Variants in ARHGAP6 observed in about 807,000 individuals in gnomAD.
The protein encoded by ARHGAP6 is Rho GTPase activating protein 6, also known as rho GTPase-activating protein 6.
Under a neutral mutation model 55.7 loss-of-function variants are expected in ARHGAP6, and 16 were observed. The ratio of observed to expected loss-of-function variants is 0.29; its 90% CI spans 0.19 to 0.44. The LOEUF is 0.44. ARHGAP6 is among the 20% of genes least tolerant of loss of function. The probability of loss-of-function intolerance (pLI) is 1.00; values close to 1 mark genes in which losing one functional copy is unlikely to be tolerated. For missense variants in ARHGAP6, 698 were observed against 808.9 expected (o/e 0.86, Z 1.66); for synonymous variants, 382 against 360.9 (o/e 1.06, Z -0.66).
chrX:11,617,213 C>A (rs551018514), intron 1 of ARHGAP6, among the ~76,000 whole-genome samples: 58 of 111,978 alleles, frequency 5.2e-4, no homozygotes, highest in African/African-American at 1.8e-3. Context: ...TTTGGATCTA[C>A]TGAATTAAAT....
chrX:11,188,908 G>A lies in ARHGAP6; in HGVS notation c.897C>T (p.Asp299=), dbSNP rs144557280. ...ANDRAYKLKQ[D]LQRDEQKDAS... is the part of the protein sequence containing the mutation. ...CATCTTTCTGCTCGTCCCTCTGCAA[G>A]TCCTGCTTGAGTTTATAGGCCCTGT... Residue 299 remains aspartate (D), a synonymous_variant, in exon 4 of 13, where the codon GAC becomes GAT. Transcript: ENST00000337414. The A allele has an allele frequency of 8.3e-7, 1 of 1,209,447 alleles. No individual in the cohort carries two copies. Among genetic ancestry groups the A allele is most frequent in the Non-Finnish European group, 1.1e-6 (1 of 895,185 alleles).
intron 1 of ARHGAP6, chrX:11,351,337 A>G (rs2048861127): frequency 1.0e-6 from 1 of 953,040 alleles, no homozygotes; most frequent in Non-Finnish European, 1.3e-6. Flanking sequence ...TAAAATAAAC[A>G]TTCATATCAT....
chrX:11,501,548 C>T (rs963937557), intron 1 of ARHGAP6, among the ~76,000 whole-genome samples: 40 of 111,138 alleles, frequency 3.6e-4, no homozygotes, highest in African/African-American at 1.2e-3. Flanking sequence ...GGAGTAGGGG[C>T]GCCAAACTCC....
intron 1 of ARHGAP6, among the ~76,000 whole-genome samples, chrX:11,404,321 G>A (rs1033932580): frequency 9.0e-6 from 1 of 111,357 alleles, no homozygotes; most frequent in East Asian, 2.8e-4. Flanking sequence ...CTTAAAATCC[G>A]ATTCTACATA....
intron 8 of ARHGAP6, among the ~76,000 whole-genome samples, chrX:11,177,370 C>CGG (rs149420907): frequency 1.3e-3 from 56 of 44,259 alleles, no homozygotes; most frequent in South Asian, 4.0e-3. Context: ...ATTTGGTGGG[C>CGG]GGGGGGGGGG....
intron 1 of ARHGAP6, among the ~76,000 whole-genome samples, chrX:11,424,263 G>A (rs1234945644): frequency 8.9e-6 from 1 of 112,399 alleles, no homozygotes; most frequent in African/African-American, 3.2e-5. Context: ...CTACTGTTCT[G>A]AGCTTAGATT....
chrX:11,460,729 C>T (rs988615478), intron 1 of ARHGAP6, among the ~76,000 whole-genome samples: 5 of 111,837 alleles, frequency 4.5e-5, no homozygotes, highest in Non-Finnish European at 9.4e-5. Context: ...ATTGTTTGTG[C>T]AGTTTACCAC....
At chrX:11,511,428 C>T (rs188126494) in intron 1 of ARHGAP6, among the ~76,000 whole-genome samples, 2 of 112,465 alleles carry the variant, frequency 1.8e-5, no homozygotes, top group East Asian at 5.6e-4. Context: ...GAGTTTCTTT[C>T]CTAACCCCTG....
At chrX:11,396,774 TA>T (rs1001339520) in intron 1 of ARHGAP6, among the ~76,000 whole-genome samples, 12 of 107,635 alleles carry the variant, frequency 1.1e-4, no homozygotes, top group Admixed American at 9.8e-4. Context: ...GACTTTTTTT[TA>T]AAAAAATCTC....
rs5933911 is a variant in ARHGAP6, at chrX:11,644,396, G to A, written c.588+19845C>T. Among the ~76,000 whole-genome samples the A allele has an allele frequency of 1.5e-3, 166 of 111,061 alleles. 1 individual carries two copies. The highest frequency in any genetic ancestry group is 2.9e-3 in the Non-Finnish European group (151 of 52,903). On this transcript the variant is annotated intron_variant, in intron 1 of 12. Coordinates refer to ENST00000337414, the MANE Select transcript of ARHGAP6 (RefSeq NM_013427.3). ...CTGCCACTGCTGCCTGTAAAAGCTA[G>A]AAACTTCTGCTTCTAGCCACCCTTG...
intron 1 of ARHGAP6, among the ~76,000 whole-genome samples, chrX:11,355,648 A>G (rs1351984344): frequency 1.8e-5 from 2 of 112,156 alleles, no homozygotes; most frequent in Admixed American, 9.4e-5. Context: ...TCATGCAGAT[A>G]ACCATCTGAT....
At chrX:11,552,563 T>TATAC (rs2051278204) in intron 1 of ARHGAP6, among the ~76,000 whole-genome samples, 1 of 45,913 alleles carries the variant, frequency 2.2e-5, no homozygotes, top group African/African-American at 9.4e-5. Flanking sequence ...GCCATATATA[T>TATAC]ATATATATAT....
chrX:11,215,577 T>C (rs1273232617), intron 2 of ARHGAP6, among the ~76,000 whole-genome samples: 1 of 112,857 alleles, frequency 8.9e-6, no homozygotes, highest in Non-Finnish European at 1.9e-5. Flanking sequence ...CCTGTTTCCT[T>C]ACTGTATCTT....
intron 2 of ARHGAP6, among the ~76,000 whole-genome samples, chrX:11,227,207 A>C (rs1375724890): frequency 8.9e-6 from 1 of 112,131 alleles, no homozygotes; most frequent in African/African-American, 3.2e-5. Context: ...AGTCACGAGA[A>C]GAGAACATGT....
At chrX:11,145,486 C>A (rs2045677822) in intron 10 of ARHGAP6, among the ~76,000 whole-genome samples, 1 of 112,024 alleles carries the variant, frequency 8.9e-6, no homozygotes, top group African/African-American at 3.3e-5. Context: ...AATAAAGAAG[C>A]CCCTTCCTTG....
intron 1 of ARHGAP6, among the ~76,000 whole-genome samples, chrX:11,512,062 G>A (rs2050790901): frequency 9.0e-6 from 1 of 111,271 alleles, no homozygotes; most frequent in Non-Finnish European, 1.9e-5. Context: ...TCCTGACCTT[G>A]TGATCTGTCC....
intron 1 of ARHGAP6, among the ~76,000 whole-genome samples, chrX:11,598,773 A>G (rs28523578): frequency 0.1 from 11,192 of 111,603 alleles, 550 homozygotes; most frequent in East Asian, 0.2. Flanking sequence ...AAACACAGCC[A>G]TGGCCAGGCA....
intron 1 of ARHGAP6, among the ~76,000 whole-genome samples, chrX:11,505,946 A>C (rs1183885222): frequency 2.7e-5 from 3 of 111,229 alleles, no homozygotes; most frequent in Non-Finnish European, 5.7e-5. Context: ...TACTATGCTT[A>C]TTACCTGGGT....
chrX:11,149,928 T>A (rs2045750696), intron 10 of ARHGAP6, among the ~76,000 whole-genome samples: 1 of 111,989 alleles, frequency 8.9e-6, no homozygotes, highest in Non-Finnish European at 1.9e-5. Context: ...GTCACCAGTT[T>A]TGCTAATTTT....
Sources: gnomAD v4.1 joint callset for allele counts (sites outside exome capture counted in the v4.1 genomes callset) on GRCh38, gnomAD v4.1.1 for gene constraint, MANE v1.5 for transcripts, NCBI Gene and HGNC (gene_info 2026-07-23, HGNC 2026-07-21) for gene names.